Variants in MATN2 observed in about 807,000 individuals in gnomAD.
The protein encoded by MATN2 is matrilin 2, also known as matrilin-2.
A neutral mutation model predicts 103.2 loss-of-function variants in MATN2; 69 were observed. The observed-to-expected ratio is 0.67, with a 90% CI of 0.55 to 0.82. The LOEUF is 0.82. Among genes scored for constraint, MATN2 ranks in the 40% least tolerant of loss-of-function variants. MATN2 has a pLI of 0.00. For missense variants in MATN2, 1,023 were observed against 1,211.5 expected (o/e 0.84, Z 2.31); for synonymous variants, 429 against 450.2 (o/e 0.95, Z 0.60).
At chr8:97,928,808 C>T (rs913850927) in intron 2 of MATN2, among the ~76,000 whole-genome samples, 32 of 152,276 alleles carry the variant, frequency 2.1e-4, no homozygotes, top group African/African-American at 7.2e-4. Flanking sequence ...AGCTGCCCAA[C>T]GAGGTGGATA....
Position 97,994,666 on chromosome 8 carries a change from T to G in MATN2, c.1204+64T>G, listed in dbSNP as rs1313519228. 3 of 1,534,648 alleles carry G rather than the reference T, an allele frequency of 2.0e-6. No individual in the cohort carries two copies. The East Asian group carries it at 6.8e-5, about 35-fold the overall frequency. On this transcript the variant is annotated intron_variant, in intron 7 of 18. Coordinates refer to ENST00000254898, the MANE Select transcript of MATN2 (RefSeq NM_002380.5). ...TAAATGCTCCTCTAGTTAGTTTTCC[T>G]TTCCGTGCAAATCTTAAGCAAGATG...
intron 6 of MATN2, among the ~76,000 whole-genome samples, chr8:97,991,460 G>A (rs909581185): frequency 6.6e-6 from 1 of 152,146 alleles, no homozygotes; most frequent in African/African-American, 2.4e-5. Context: ...AGTGGCTCAC[G>A]CCTGTAATCC....
intron 2 of MATN2, among the ~76,000 whole-genome samples, chr8:97,898,936 TG>T (rs1818900834): frequency 6.6e-6 from 1 of 151,930 alleles, no homozygotes; most frequent in African/African-American, 2.4e-5. Context: ...CATATTTTTT[TG>T]TAAAGACAGG....
intron 2 of MATN2, among the ~76,000 whole-genome samples, chr8:97,888,653 A>G (rs1314115099): frequency 6.6e-6 from 1 of 152,196 alleles, no homozygotes; most frequent in Non-Finnish European, 1.5e-5. Flanking sequence ...AGGTGGGGAC[A>G]TTGTGAACTG....
intron 10 of MATN2, among the ~76,000 whole-genome samples, chr8:98,012,552 C>T (rs1039888615): frequency 7.3e-4 from 111 of 152,176 alleles, no homozygotes; most frequent in African/African-American, 2.4e-3. Context: ...GCTCTGAGTA[C>T]GGGGTACTGA....
At position 97,966,409 on chromosome 8, in the gene MATN2, T is replaced by G. The variant is rs1414356048; in HGVS notation, c.958+4879T>G. 3.3e-5 allele frequency among the ~76,000 whole-genome samples: 5 copies of G among 151,010 alleles called. No homozygotes were observed. In the East Asian group the frequency reaches 7.9e-4, roughly 24 times the overall value. ...TATATCTACAAAAAAATTAAGAAAT[T>G]AGCTGGGTATGGTGGTGCACACCTG... On this transcript the variant is annotated intron_variant, in intron 5 of 18. Transcript: ENST00000254898.
chr8:97,979,216 T>A (rs1811943042), intron 6 of MATN2, among the ~76,000 whole-genome samples: 1 of 152,228 alleles, frequency 6.6e-6, no homozygotes, highest in Non-Finnish European at 1.5e-5. Context: ...ATTCAAGGAA[T>A]ATGATGAAGG....
chr8:98,017,689 C>T (rs1813412504), intron 11 of MATN2, among the ~76,000 whole-genome samples: 1 of 152,190 alleles, frequency 6.6e-6, no homozygotes, highest in East Asian at 1.9e-4. Flanking sequence ...CCTAAGGAAT[C>T]ATATCAAGTG....
chr8:98,025,637 T>C (rs1186653592), intron 13 of MATN2: 3 of 316,514 alleles, frequency 9.5e-6, no homozygotes, highest in African/African-American at 2.3e-5. Context: ...TCCCAGCTAC[T>C]TGGGAGGCTG....
At chr8:98,015,719 T>G (rs1203512487) in intron 10 of MATN2, among the ~76,000 whole-genome samples, 2 of 152,186 alleles carry the variant, frequency 1.3e-5, no homozygotes, top group Non-Finnish European at 2.9e-5. Context: ...TTTTCCCACA[T>G]GACATATCAC....
At chr8:97,877,700 A>G (rs938396080) in intron 1 of MATN2, among the ~76,000 whole-genome samples, 1 of 152,152 alleles carries the variant, frequency 6.6e-6, no homozygotes, top group Non-Finnish European at 1.5e-5. Context: ...AAATTCAGGA[A>G]GGGAAGATTG....
At chr8:97,970,791 AT>A (rs1269360316) in intron 5 of MATN2, among the ~76,000 whole-genome samples, 2 of 151,822 alleles carry the variant, frequency 1.3e-5, no homozygotes, top group East Asian at 3.9e-4. Context: ...TCTACAAAGA[AT>A]AAAAAAAAAT....
intron 10 of MATN2, among the ~76,000 whole-genome samples, chr8:98,008,488 A>G (rs1813048474): frequency 6.6e-6 from 1 of 152,196 alleles, no homozygotes; most frequent in Non-Finnish European, 1.5e-5. Context: ...TCCACTTTTT[A>G]TATCATCTAT....
chr8:97,961,601 C>A (rs868182662), intron 5 of MATN2, 71 bp downstream of exon 5: 1 of 1,431,134 alleles, frequency 7.0e-7, no homozygotes, highest in Middle Eastern at 1.9e-4. Flanking sequence ...GGGAGACTCA[C>A]GTGTACCTCC....
At chr8:97,994,349 C>A in intron 6 of MATN2, 131 bp from the exon 7 acceptor site, 1 of 874,256 alleles carries the variant, frequency 1.1e-6, no homozygotes, top group Non-Finnish European at 1.7e-6. Flanking sequence ...ATTGGGAGAC[C>A]CCTTCATGGT....
In MATN2 at chr8:98,007,394, G is replaced by A. The variant is rs187958428; in HGVS notation, c.1451-85G>A. 33 of 1,565,744 alleles carry A rather than the reference G, an allele frequency of 2.1e-5. No homozygotes were observed. The highest frequency in any genetic ancestry group is 3.4e-5 in the Admixed American group (2 of 58,144). On this transcript the variant is annotated intron_variant, in intron 9 of 18. Coordinates refer to ENST00000254898, the MANE Select transcript of MATN2 (RefSeq NM_002380.5). This position sits in a 1 kb window ranked among gnomAD's most constrained non-coding sequence, Gnocchi z 4.2. ...GGACTGCATGCCTTCGAGGGAGGGCGGGGTGAGCATGACGGTCACTTGATC... is the reference window on the plus strand; with the variant it reads ...GGACTGCATGCCTTCGAGGGAGGGCAGGGTGAGCATGACGGTCACTTGATC...
intron 2 of MATN2, among the ~76,000 whole-genome samples, chr8:97,897,053 G>T (rs1818837068): frequency 6.6e-6 from 1 of 152,246 alleles, no homozygotes; most frequent in Non-Finnish European, 1.5e-5. Context: ...GGGCTGGGCA[G>T]TGGGATTAGG....
At chr8:97,873,352 CTTTTTTTT>C (rs772184378) in intron 1 of MATN2, among the ~76,000 whole-genome samples, 1 of 142,152 alleles carries the variant, frequency 7.0e-6, no homozygotes, top group African/African-American at 2.6e-5. Flanking sequence ...CTCTTTTTTT[CTTTTTTTT>C]TTTTTTCCCA....
chr8:97,928,017 AT>A (rs1411419842), intron 2 of MATN2, among the ~76,000 whole-genome samples: 1 of 152,022 alleles, frequency 6.6e-6, no homozygotes, highest in Non-Finnish European at 1.5e-5. Flanking sequence ...GGTAAAGATT[AT>A]TGGGTCACAC....
Sources: gnomAD v4.1 joint callset for allele counts (sites outside exome capture counted in the v4.1 genomes callset) on GRCh38, gnomAD v4.1.1 for gene constraint, Gnocchi (gnomAD v3.1) non-coding constraint, MANE v1.5 for transcripts, NCBI Gene and HGNC (gene_info 2026-07-23, HGNC 2026-07-21) for gene names.